Variants in PARD3 observed in about 807,000 individuals in gnomAD.
PARD3 encodes the protein partitioning defective 3 homolog.
A neutral mutation model predicts 155.4 loss-of-function variants in PARD3; 75 were observed. The observed-to-expected ratio is 0.48, with a 90% confidence interval of 0.40 to 0.58. PARD3 has a LOEUF of 0.58. PARD3 is among the 20% of genes least tolerant of loss of function. PARD3 has a pLI of 0.00. For missense variants in PARD3, 1,642 were observed against 1,721.7 expected, an observed-to-expected ratio of 0.95 and a Z score of 0.82; for synonymous variants, 576 against 610.5, an observed-to-expected ratio of 0.94 and a Z score of 0.83.
intron 2 of PARD3, among the ~76,000 whole-genome samples, chr10:34,618,425 T>A (rs565751007): frequency 6.6e-6 from 1 of 152,254 alleles, no homozygotes; most frequent in African/African-American, 2.4e-5. Flanking sequence ...TCAAGTGACA[T>A]CTTGTACTGT....
intron 2 of PARD3, among the ~76,000 whole-genome samples, chr10:34,659,895 G>A (rs775329710): frequency 6.6e-6 from 1 of 152,052 alleles, no homozygotes; most frequent in Non-Finnish European, 1.5e-5. Flanking sequence ...TTGCTTCCGC[G>A]CATGCATTTT....
intron 1 of PARD3, among the ~76,000 whole-genome samples, chr10:34,791,819 G>GAC (rs1219522116): frequency 6.6e-6 from 1 of 150,606 alleles, no homozygotes; most frequent in Non-Finnish European, 1.5e-5. Context: ...TAGCTAAGGA[G>GAC]ACACAGTCAG....
intron 2 of PARD3, among the ~76,000 whole-genome samples, chr10:34,543,800 A>G (rs2083830588): frequency 6.6e-6 from 1 of 152,194 alleles, no homozygotes; most frequent in Non-Finnish European, 1.5e-5. Context: ...AGCAGCCAGT[A>G]TCCTAGGATG....
intron 2 of PARD3, among the ~76,000 whole-genome samples, chr10:34,536,893 A>G (rs2083269909): frequency 6.6e-6 from 1 of 152,252 alleles, no homozygotes; most frequent in Non-Finnish European, 1.5e-5. Context: ...AGACTGAAAG[A>G]AAAAGTGATG....
At chr10:34,138,927 A>G (rs894170603) in intron 22 of PARD3, among the ~76,000 whole-genome samples, 1 of 151,718 alleles carries the variant, frequency 6.6e-6, no homozygotes, top group African/African-American at 2.4e-5. Context: ...TCCAAATTGT[A>G]TCAACAATCC....
At chr10:34,729,834 C>G (rs905584794) in intron 1 of PARD3, among the ~76,000 whole-genome samples, 4 of 152,060 alleles carry the variant, frequency 2.6e-5, no homozygotes, top group Non-Finnish European at 4.4e-5. Context: ...TCACTCCTGG[C>G]TGTTGTGTAC....
Position 34,207,875 on chromosome 10 carries a change from A to C in PARD3, c.3419+61782T>G, listed in dbSNP as rs184972220. On this transcript the variant is annotated intron_variant, in intron 22 of 24. Coordinates refer to ENST00000374788, the MANE Select transcript of PARD3 (RefSeq NM_001184785.2). ...AAAACCCAGAATGACTGATTTTAAG[A>C]AGAATGCCTCCGGTCCTTTGTCAGA... Among the ~76,000 whole-genome samples, 224 of 152,354 alleles carry C rather than the reference A, an allele frequency of 1.5e-3. 1 individual carries two copies. The highest frequency in any genetic ancestry group is 3.4e-3 in the Middle Eastern group (1 of 294).
intron 5 of PARD3, among the ~76,000 whole-genome samples, chr10:34,423,774 G>C (rs1169398794): frequency 6.6e-6 from 1 of 152,140 alleles, no homozygotes; most frequent in Non-Finnish European, 1.5e-5. Context: ...GAGAACCAGA[G>C]TTTCAAGTAG....
At chr10:34,196,572 T>C (rs376471496) in intron 22 of PARD3, among the ~76,000 whole-genome samples, 1,616 of 140,986 alleles carry the variant, frequency 0.011, 10 homozygotes, top group East Asian at 0.025. Flanking sequence ...CCTTTTCTTT[T>C]TTTTTTTTTT....
chr10:34,730,710 A>C (rs912086082), intron 1 of PARD3, among the ~76,000 whole-genome samples: 5 of 152,230 alleles, frequency 3.3e-5, no homozygotes, highest in African/African-American at 1.2e-4. Context: ...TCACTTGGGC[A>C]CAGGAGTACA....
chr10:34,143,867 G>C (rs1283151366), intron 22 of PARD3, among the ~76,000 whole-genome samples: 1 of 152,056 alleles, frequency 6.6e-6, no homozygotes, highest in Non-Finnish European at 1.5e-5. Context: ...ACATTTTAAA[G>C]ATCATTAAAA....
intron 2 of PARD3, among the ~76,000 whole-genome samples, chr10:34,534,065 G>C (rs975542398): frequency 2.0e-5 from 3 of 152,056 alleles, no homozygotes; most frequent in Non-Finnish European, 2.9e-5. Flanking sequence ...AGGTCTACTT[G>C]TAAGGCAACA....
At chr10:34,575,883 T>C (rs2086845161) in intron 2 of PARD3, among the ~76,000 whole-genome samples, 1 of 151,630 alleles carries the variant, frequency 6.6e-6, no homozygotes, top group Non-Finnish European at 1.5e-5. Context: ...GTGTCAAGAG[T>C]GAAACTCCGT....
intron 3 of PARD3, among the ~76,000 whole-genome samples, chr10:34,498,610 C>T (rs1314686909): frequency 6.6e-6 from 1 of 152,070 alleles, no homozygotes; most frequent in Non-Finnish European, 1.5e-5. Flanking sequence ...AACCCTGTCT[C>T]TACTAAAAAT....
chr10:34,628,425 G>A (rs2092091652), intron 2 of PARD3, among the ~76,000 whole-genome samples: 1 of 152,242 alleles, frequency 6.6e-6, no homozygotes, highest in African/African-American at 2.4e-5. Context: ...CTCAGCACAT[G>A]CTTCTGTAAA....
At chr10:34,790,032 T>G (rs1338573966) in intron 1 of PARD3, among the ~76,000 whole-genome samples, 3 of 152,208 alleles carry the variant, frequency 2.0e-5, no homozygotes, top group Admixed American at 6.5e-5. Context: ...GCAGACCGTT[T>G]GAATCATGGG....
At chr10:34,525,720 A>T (rs2133742355) in intron 2 of PARD3, among the ~76,000 whole-genome samples, 1 of 152,132 alleles carries the variant, frequency 6.6e-6, no homozygotes, top group Non-Finnish European at 1.5e-5. Context: ...GATTTTGCTT[A>T]AAAGAAAAAA....
intron 5 of PARD3, among the ~76,000 whole-genome samples, chr10:34,413,140 T>TACACACACACACACACACAC (rs774389489): frequency 4.7e-4 from 53 of 113,852 alleles, no homozygotes; most frequent in African/African-American, 1.3e-3. Context: ...ACTTCAGATA[T>TACACACACACACACACACAC]ATATACACAC....
intron 19 of PARD3, among the ~76,000 whole-genome samples, chr10:34,325,808 A>G (rs1686562951): frequency 6.6e-6 from 1 of 151,798 alleles, no homozygotes; most frequent in African/African-American, 2.4e-5. Context: ...ATCTTAGTCA[A>G]ATATATAGAT....
Sources: allele counts gnomAD v4.1 joint callset (sites outside exome capture counted in the v4.1 genomes callset), GRCh38; gene constraint gnomAD v4.1.1; transcripts MANE v1.5; gene names NCBI Gene and HGNC (gene_info 2026-07-23, HGNC 2026-07-21).